PHF19: variants seen among roughly 807,000 people sequenced by gnomAD.
PHF19 encodes polycomb like 3.
PHF19 carries 21 observed loss-of-function variants against 79.8 expected under a neutral mutation model. That is an observed-to-expected ratio of 0.26 (90% CI 0.19 to 0.38). The LOEUF (loss-of-function observed/expected upper bound fraction) is 0.38, where lower values mean the gene tolerates loss of function less well. Ranked by LOEUF, PHF19 falls within the 10% of genes least tolerant of loss-of-function variation. The pLI, the probability that PHF19 is intolerant of heterozygous loss-of-function variation, is 1.00. For missense variants in PHF19, 445 were observed against 744.2 expected, an observed-to-expected ratio of 0.60 and a Z score of 4.68; for synonymous variants, 273 against 296.3, an observed-to-expected ratio of 0.92 and a Z score of 0.81.
chr9:120,888,385 G>A (rs1162733833), intron 1 of PHF19, among the ~76,000 whole-genome samples: 1 of 152,210 alleles, frequency 6.6e-6, no homozygotes, highest in African/African-American at 2.4e-5. Flanking sequence ...GAGAGGTGTG[G>A]AACCCAGCAC....
upstream of PHF19, among the ~76,000 whole-genome samples, chr9:120,898,186 A>G (rs2046417122): frequency 2.0e-5 from 3 of 152,128 alleles, no homozygotes; most frequent in Non-Finnish European, 2.9e-5. Flanking sequence ...GCACGATCTC[A>G]GTTCACTGCA....
At chr9:120,880,719 G>A (rs1272286024), upstream of PHF19, among the ~76,000 whole-genome samples, 3 of 152,198 alleles carry the variant, frequency 2.0e-5, no homozygotes, top group Non-Finnish European at 4.4e-5. Context: ...CAGCGCTTTG[G>A]GAGGCTATGG....
chr9:120,874,724 C>T lies in PHF19; in HGVS notation c.18G>A (p.Leu6=). 1.2e-6 allele frequency: 2 copies of T among 1,613,520 alleles called. No individual in the cohort carries two copies. Among genetic ancestry groups the T allele is most frequent in the African/African-American group, 2.7e-5 (2 of 75,030 alleles). ...CATAGGAGTCCCGAGTCCCTGGATC[C>T]AGAGCTCGATTCTCCATCAGCTTCC... The part of the protein sequence containing the change: MENRA[L]DPGTRDSYGA... Residue 6 remains leucine, a synonymous_variant, in exon 2 of 15, where the codon CTG becomes CTA. Coordinates refer to ENST00000373896, the MANE Select transcript of PHF19 (RefSeq NM_015651.3). This position sits in a 1 kb window ranked among gnomAD's most constrained non-coding sequence, Gnocchi z 4.5.
upstream of PHF19, among the ~76,000 whole-genome samples, chr9:120,878,865 T>A (rs1315328583): frequency 1.3e-5 from 2 of 152,220 alleles, no homozygotes; most frequent in Non-Finnish European, 2.9e-5. Flanking sequence ...TTAACCATGT[T>A]CTGCCAAGAG....
At chr9:120,893,275 T>C (rs1032015716) in intron 1 of PHF19, among the ~76,000 whole-genome samples, 2 of 152,210 alleles carry the variant, frequency 1.3e-5, no homozygotes, top group Non-Finnish European at 2.9e-5. Context: ...AGAAACCACA[T>C]GGATTCACTG....
chr9:120,875,738 C>T (rs1250574465), intron 1 of PHF19: 2 of 152,546 alleles, frequency 1.3e-5, no homozygotes, highest in Non-Finnish European at 2.9e-5. Flanking sequence ...CAGTGCTAAA[C>T]AGGCCGTTCC....
At chr9:120,885,348 G>C (rs1187683252) in intron 1 of PHF19, among the ~76,000 whole-genome samples, 1 of 151,926 alleles carries the variant, frequency 6.6e-6, no homozygotes, top group Non-Finnish European at 1.5e-5. Flanking sequence ...GGGAGGCCGA[G>C]GCGGGCAGAT....
rs1554816184 is a variant in PHF19 at position 120,858,849 on chromosome 9, A to ACACACACAC, written c.1401-572_1401-564dup. ...CACACACACACACACACACACACAC[A>ACACACACAC]CACACACACGGGTGTTAGAGAAATG... is the stretch of plus-strand genomic sequence containing the variant. On this transcript the variant is annotated intron_variant, in intron 14 of 14. Coordinates refer to ENST00000373896, the MANE Select transcript of PHF19 (RefSeq NM_015651.3). Among the ~76,000 whole-genome samples the ACACACACAC allele has an allele frequency of 3.3e-5, 5 of 151,954 alleles. No homozygotes were observed. In the East Asian group the frequency reaches 9.7e-4, roughly 29 times the overall value.
chr9:120,877,248 C>A, upstream of PHF19: 1 of 794,702 alleles, frequency 1.3e-6, no homozygotes, highest in Non-Finnish European at 1.5e-6. Flanking sequence ...GGGGGCGCCG[C>A]GGGGAGGAGG....
At chr9:120,883,781 AT>A (rs1388521813) in intron 1 of PHF19, among the ~76,000 whole-genome samples, 40 of 111,914 alleles carry the variant, frequency 3.6e-4, no homozygotes, top group Non-Finnish European at 5.9e-4. Context: ...AAAAAAAAAA[AT>A]AGAAGCTCCT....
Position 120,869,364 on chromosome 9 carries a change from G to T in PHF19, c.466-34C>A. ...AGACGAGGGCCCCAGTCAACCACCA[G>T]GTCCGGGTGGACCACGCGAGTCAGC... On this transcript the variant is annotated intron_variant, in intron 5 of 14. Coordinates refer to ENST00000373896, the MANE Select transcript of PHF19 (RefSeq NM_015651.3). This position sits in a 1 kb window ranked among gnomAD's most constrained non-coding sequence, Gnocchi z 5.8. 1.2e-6 allele frequency: 2 copies of T among 1,602,076 alleles called. No individual in the cohort carries two copies. The highest frequency in any genetic ancestry group is 1.7e-6 in the Non-Finnish European group (2 of 1,175,182).
the PHF19 span, chr9:120,903,546 C>G: frequency 2.6e-5 from 4 of 152,604 alleles, no homozygotes; most frequent in Non-Finnish European, 4.4e-5. Context: ...GCAATGGAGT[C>G]TGGCACAGGC....
At chr9:120,877,236 G>T, upstream of PHF19, 1 of 941,072 alleles carries the variant, frequency 1.1e-6, no homozygotes, top group Non-Finnish European at 1.3e-6. Context: ...GCGGGGCGGG[G>T]CGGGGGCGCC....
At position 120,866,736 on chromosome 9, in the gene PHF19, T is replaced by C. The variant is rs535109887; in HGVS notation, c.710+134A>G. 1 of 630,826 alleles carries C rather than the reference T, an allele frequency of 1.6e-6. No homozygotes were observed. Among genetic ancestry groups the C allele is most frequent in the Non-Finnish European group, 2.9e-6 (1 of 340,366 alleles). 39.1% of individuals were successfully genotyped at this position (630,826 alleles called of 1,614,324 possible). A position where few individuals can be genotyped will look rare whatever the true frequency, so the allele number is the denominator to read the frequency against. On this transcript the variant is annotated intron_variant, in intron 7 of 14. Transcript: ENST00000373896. The surrounding 1 kb of genome is among the most constrained non-coding windows in gnomAD (Gnocchi z 5.2). ...ATCCCCTACCTTGAGCTGCCTCCAG[T>C]AAACAGGTAGGCATACATTGTCACA... is the stretch of plus-strand genomic sequence containing the variant.
At chr9:120,893,418 G>T (rs931312551) in intron 1 of PHF19, among the ~76,000 whole-genome samples, 1 of 152,144 alleles carries the variant, frequency 6.6e-6, no homozygotes, top group Non-Finnish European at 1.5e-5. Flanking sequence ...TCTGAGTGTG[G>T]CTGCCCCATC....
At chr9:120,879,001 A>G (rs527457113), upstream of PHF19, among the ~76,000 whole-genome samples, 24 of 152,190 alleles carry the variant, frequency 1.6e-4, no homozygotes, top group South Asian at 4.8e-3. Context: ...CTCACCTCTG[A>G]GGCTACAGGC....
intron 1 of PHF19, among the ~76,000 whole-genome samples, chr9:120,890,251 T>A (rs2046323287): frequency 1.3e-5 from 2 of 150,036 alleles, no homozygotes; most frequent in South Asian, 4.2e-4. Context: ...TTTTGTGAGC[T>A]GAGGCCTCAC....
chr9:120,857,593 G>A lies in PHF19; in HGVS notation c.*351C>T, dbSNP rs946083555. ...GATGTGCGAACACACCCAGAAAGGG[G>A]CGAGAGAGGTCAAGGCACACAACTG... On this transcript the variant is annotated 3_prime_UTR_variant, in exon 15 of 15. Coordinates refer to ENST00000373896, the MANE Select transcript of PHF19 (RefSeq NM_015651.3). The A allele has an allele frequency of 1.8e-5, 4 of 223,428 alleles. No homozygotes were observed. Among genetic ancestry groups the A allele is most frequent in the Non-Finnish European group, 3.5e-5 (4 of 114,884 alleles). 13.8% of individuals were successfully genotyped at this position (223,428 alleles called of 1,614,324 possible).
At chr9:120,898,489 T>C (rs1001269262), upstream of PHF19, among the ~76,000 whole-genome samples, 1 of 152,264 alleles carries the variant, frequency 6.6e-6, no homozygotes, top group Non-Finnish European at 1.5e-5. Context: ...AGTATTGTGA[T>C]ACTTGCAAGA....
Sources: gnomAD v4.1 joint callset for allele counts (sites outside exome capture counted in the v4.1 genomes callset) on GRCh38, gnomAD v4.1.1 for gene constraint, Gnocchi (gnomAD v3.1) non-coding constraint, MANE v1.5 for transcripts, NCBI Gene and HGNC (gene_info 2026-07-23, HGNC 2026-07-21) for gene names.